AGBL4: variants seen among roughly 807,000 people sequenced by gnomAD.
AGBL4 encodes cytosolic carboxypeptidase 6.
AGBL4 carries 58 observed loss-of-function variants against 66.4 expected under a neutral mutation model. The ratio of observed to expected loss-of-function variants is 0.87; its 90% CI spans 0.71 to 1.09. The LOEUF (loss-of-function observed/expected upper bound fraction) is 1.09. Among genes scored for constraint, AGBL4 ranks in the 50% least tolerant of loss-of-function variants. The probability of loss-of-function intolerance (pLI) is 0.00; values close to 1 mark genes in which losing one functional copy is unlikely to be tolerated. For missense variants in AGBL4, 579 were observed against 631.0 expected (o/e 0.92, Z 0.88); for synonymous variants, 234 against 222.9 (o/e 1.05, Z -0.44).
At chr1:49,899,377 G>A (rs563140892) in intron 1 of AGBL4, among the ~76,000 whole-genome samples, 2 of 152,042 alleles carry the variant, frequency 1.3e-5, no homozygotes, top group South Asian at 2.1e-4. Flanking sequence ...ATAACTAAAT[G>A]AGTATAACTG....
intron 2 of AGBL4, among the ~76,000 whole-genome samples, chr1:49,740,461 A>G (rs528867777): frequency 5.3e-5 from 8 of 152,310 alleles, no homozygotes; most frequent in African/African-American, 1.9e-4. Context: ...GGAGACTTTA[A>G]CACCCCACTG....
intron 12 of AGBL4, among the ~76,000 whole-genome samples, chr1:48,535,693 A>G (rs374037514): frequency 6.6e-6 from 1 of 152,024 alleles, no homozygotes; most frequent in Non-Finnish European, 1.5e-5. Context: ...TTTCTATTTC[A>G]TCAGTCAAAA....
intron 2 of AGBL4, among the ~76,000 whole-genome samples, chr1:49,735,175 C>T (rs1649763433): frequency 6.6e-6 from 1 of 151,940 alleles, no homozygotes; most frequent in Non-Finnish European, 1.5e-5. Flanking sequence ...TTACACAATA[C>T]CAAACGTTTT....
At chr1:48,617,186 T>C (rs1252437698) in intron 9 of AGBL4, among the ~76,000 whole-genome samples, 3 of 152,216 alleles carry the variant, frequency 2.0e-5, no homozygotes, top group Non-Finnish European at 4.4e-5. Context: ...TTCATCTTTT[T>C]ATGACTGTGA....
At chr1:49,480,029 T>A (rs1646925111) in intron 3 of AGBL4, among the ~76,000 whole-genome samples, 1 of 152,080 alleles carries the variant, frequency 6.6e-6, no homozygotes, top group Admixed American at 6.5e-5. Flanking sequence ...ATCTAGTCTA[T>A]CACTGATGGG....
chr1:49,409,123 C>T (rs1430423943), intron 3 of AGBL4, among the ~76,000 whole-genome samples: 1 of 149,996 alleles, frequency 6.7e-6, no homozygotes, highest in Non-Finnish European at 1.5e-5. Context: ...CCTCTCCTTC[C>T]TCTCCATCAA....
At chr1:48,728,075 T>G in intron 6 of AGBL4, 4 of 1,542,336 alleles carry the variant, frequency 2.6e-6, no homozygotes, top group Non-Finnish European at 3.5e-6. Flanking sequence ...GGCCAAGGAT[T>G]AATGGTGAAT....
chr1:48,834,869 T>A (rs1449502578), intron 6 of AGBL4, among the ~76,000 whole-genome samples: 1 of 152,142 alleles, frequency 6.6e-6, no homozygotes, highest in Non-Finnish European at 1.5e-5. Flanking sequence ...CCTAACTTGG[T>A]GAAAGTTGTT....
At chr1:49,264,026 T>A (rs1653489861) in intron 3 of AGBL4, among the ~76,000 whole-genome samples, 1 of 152,160 alleles carries the variant, frequency 6.6e-6, no homozygotes, top group Non-Finnish European at 1.5e-5. Flanking sequence ...ATGGCAAGCA[T>A]TTTAACACAA....
At chr1:48,946,966 C>T (rs1373393741) in intron 5 of AGBL4, among the ~76,000 whole-genome samples, 1 of 152,204 alleles carries the variant, frequency 6.6e-6, no homozygotes, top group Non-Finnish European at 1.5e-5. Flanking sequence ...GGCTCTGCAT[C>T]TCAGAGTCTA....
intron 3 of AGBL4, among the ~76,000 whole-genome samples, chr1:49,474,261 T>G (rs969206492): frequency 1.3e-5 from 2 of 152,104 alleles, no homozygotes; most frequent in Non-Finnish European, 2.9e-5. Context: ...AACCTATGTA[T>G]GTGGAATGTT....
At chr1:49,599,905 C>T (rs192948301) in intron 3 of AGBL4, among the ~76,000 whole-genome samples, 106 of 152,214 alleles carry the variant, frequency 7.0e-4, no homozygotes, top group African/African-American at 1.6e-3. Flanking sequence ...TCAGTTTCCA[C>T]GTAGCTGTGC....
At chr1:49,654,449 G>A (rs571896800) in intron 3 of AGBL4, among the ~76,000 whole-genome samples, 1 of 152,120 alleles carries the variant, frequency 6.6e-6, no homozygotes, top group Non-Finnish European at 1.5e-5. Context: ...TCTGCTTGGT[G>A]CAGAGCTGAA....
chr1:49,023,581 T>C (rs965697365), intron 5 of AGBL4, among the ~76,000 whole-genome samples: 2 of 152,198 alleles, frequency 1.3e-5, no homozygotes, highest in Admixed American at 1.3e-4. Flanking sequence ...TTGAGCACTC[T>C]TAATATGACA....
intron 4 of AGBL4, among the ~76,000 whole-genome samples, chr1:49,219,954 A>T (rs1649367134): frequency 6.6e-6 from 1 of 152,002 alleles, no homozygotes; most frequent in Non-Finnish European, 1.5e-5. Context: ...GCTTCAAAAC[A>T]TTTTAGTTTT....
chr1:49,088,383 G>T (rs1436179337), intron 4 of AGBL4, among the ~76,000 whole-genome samples: 1 of 151,942 alleles, frequency 6.6e-6, no homozygotes, highest in Non-Finnish European at 1.5e-5. Flanking sequence ...TAGCCTAAAA[G>T]TAAAAGGATG....
chr1:48,998,129 G>GATTATCCCTT (rs1557542289), intron 5 of AGBL4, among the ~76,000 whole-genome samples: 1 of 151,908 alleles, frequency 6.6e-6, no homozygotes, highest in Non-Finnish European at 1.5e-5. Flanking sequence ...CAATTTCATC[G>GATTATCCCTT]ATTATCCCTT....
intron 6 of AGBL4, among the ~76,000 whole-genome samples, chr1:48,683,780 C>T (rs896660334): frequency 1.3e-5 from 2 of 152,112 alleles, no homozygotes; most frequent in African/African-American, 4.8e-5. Flanking sequence ...ATTGATGAGC[C>T]ATGGAGCATT....
At chr1:49,035,189 A>T (rs1432777797) in intron 5 of AGBL4, among the ~76,000 whole-genome samples, 1 of 152,094 alleles carries the variant, frequency 6.6e-6, no homozygotes, top group Non-Finnish European at 1.5e-5. Flanking sequence ...CACATCCTCC[A>T]TGATTGTGTA....
Sources: allele counts gnomAD v4.1 joint callset (sites outside exome capture counted in the v4.1 genomes callset), GRCh38; gene constraint gnomAD v4.1.1; transcripts MANE v1.5; gene names NCBI Gene and HGNC (gene_info 2026-07-23, HGNC 2026-07-21).